The following FBXL7 variants were observed in gnomAD, a reference collection of about 807,000 sequenced individuals.
FBXL7 encodes the protein F-box/LRR-repeat protein 7.
FBXL7 carries 12 observed loss-of-function variants against 38.3 expected under a neutral mutation model. The ratio of observed to expected loss-of-function variants is 0.31; its 90% CI spans 0.20 to 0.51. The LOEUF (loss-of-function observed/expected upper bound fraction) is 0.51, where lower values mean the gene tolerates loss of function less well. FBXL7 is among the 20% of genes least tolerant of loss of function. The pLI is 0.98. For missense variants in FBXL7, 567 were observed against 676.4 expected (o/e 0.84, Z 1.79); for synonymous variants, 297 against 300.9 (o/e 0.99, Z 0.13).
At chr5:15,721,425 C>T (rs1478921813) in intron 2 of FBXL7, among the ~76,000 whole-genome samples, 1 of 152,102 alleles carries the variant, frequency 6.6e-6, no homozygotes, top group African/African-American at 2.4e-5. Context: ...TGCCAAAAAT[C>T]ATAGCAAACA....
chr5:15,557,321 C>T (rs574265295), intron 1 of FBXL7, among the ~76,000 whole-genome samples: 60 of 152,204 alleles, frequency 3.9e-4, no homozygotes, highest in African/African-American at 1.4e-3. Flanking sequence ...TGCTGCTAAG[C>T]CCTACAAAAA....
chr5:15,797,208 A>G (rs987009261), intron 2 of FBXL7, among the ~76,000 whole-genome samples: 2 of 152,218 alleles, frequency 1.3e-5, no homozygotes, highest in Non-Finnish European at 2.9e-5. Flanking sequence ...TGGGCACAGC[A>G]TACAAGACTA....
At chr5:15,799,142 T>C (rs548111611) in intron 2 of FBXL7, among the ~76,000 whole-genome samples, 1 of 152,154 alleles carries the variant, frequency 6.6e-6, no homozygotes, top group Non-Finnish European at 1.5e-5. Flanking sequence ...CTCAGTGTAA[T>C]TGAGGAAACA....
At chr5:15,510,866 A>G (rs1371549681) in intron 1 of FBXL7, among the ~76,000 whole-genome samples, 4 of 152,218 alleles carry the variant, frequency 2.6e-5, no homozygotes, top group Admixed American at 6.5e-5. Context: ...AAGACAGCCA[A>G]TGAGGCTGGC....
chr5:15,716,837 T>G (rs1744054150), intron 2 of FBXL7, among the ~76,000 whole-genome samples: 1 of 152,210 alleles, frequency 6.6e-6, no homozygotes, highest in South Asian at 2.1e-4. Context: ...AAGAAATATC[T>G]TAGTGGAATA....
intron 2 of FBXL7, among the ~76,000 whole-genome samples, chr5:15,655,406 A>T (rs756294174): frequency 6.6e-6 from 1 of 151,970 alleles, no homozygotes; most frequent in Non-Finnish European, 1.5e-5. Context: ...AGGCAGGAGA[A>T]TCGCTTGAAC....
At chr5:15,534,325 C>T (rs1292529888) in intron 1 of FBXL7, among the ~76,000 whole-genome samples, 1 of 151,752 alleles carries the variant, frequency 6.6e-6, no homozygotes, top group Non-Finnish European at 1.5e-5. Flanking sequence ...TGTGCTCTGC[C>T]TATTCTCTCC....
At chr5:15,912,583 A>G (rs1372263866) in intron 2 of FBXL7, among the ~76,000 whole-genome samples, 1 of 152,120 alleles carries the variant, frequency 6.6e-6, no homozygotes, top group Non-Finnish European at 1.5e-5. Context: ...CAAGTATTTC[A>G]GTTTGCTTGA....
intron 1 of FBXL7, among the ~76,000 whole-genome samples, chr5:15,603,940 C>T (rs1412702554): frequency 1.3e-5 from 2 of 152,154 alleles, no homozygotes; most frequent in Non-Finnish European, 2.9e-5. Context: ...AGTTCAAGAC[C>T]AGTCTGGCCA....
chr5:15,757,585 T>C (rs1226028633), intron 2 of FBXL7, among the ~76,000 whole-genome samples: 1 of 152,006 alleles, frequency 6.6e-6, no homozygotes, highest in Non-Finnish European at 1.5e-5. Flanking sequence ...CAAGTTGTTG[T>C]GATAGAGCTA....
At chr5:15,819,735 C>G (rs1438486675) in intron 2 of FBXL7, among the ~76,000 whole-genome samples, 1 of 152,170 alleles carries the variant, frequency 6.6e-6, no homozygotes, top group East Asian at 1.9e-4. Flanking sequence ...GTTAGGACAT[C>G]TAAGCAGCCC....
At chr5:15,841,094 G>C (rs1738735247) in intron 2 of FBXL7, among the ~76,000 whole-genome samples, 2 of 151,994 alleles carry the variant, frequency 1.3e-5, no homozygotes, top group South Asian at 4.1e-4. Context: ...TTTTTGTGTA[G>C]AGTAATGACA....
At chr5:15,509,666 A>G (rs1736740575) in intron 1 of FBXL7, among the ~76,000 whole-genome samples, 1 of 152,018 alleles carries the variant, frequency 6.6e-6, no homozygotes, top group South Asian at 2.1e-4. Context: ...GGCTCTTGGG[A>G]GAAGCTAAAT....
chr5:15,655,548 T>C (rs12658046), intron 2 of FBXL7, among the ~76,000 whole-genome samples: 47,227 of 151,750 alleles, frequency 0.31, 7,554 homozygotes, highest in East Asian at 0.45. Flanking sequence ...ACTAAATTAG[T>C]ACTTCCATAT....
intron 1 of FBXL7, among the ~76,000 whole-genome samples, chr5:15,528,693 T>C (rs1053675899): frequency 2.0e-5 from 3 of 152,168 alleles, no homozygotes; most frequent in Admixed American, 6.5e-5. Flanking sequence ...CACACGGTAA[T>C]TATGAGAGCT....
At chr5:15,611,873 T>C (rs889678339) in intron 1 of FBXL7, among the ~76,000 whole-genome samples, 15 of 151,390 alleles carry the variant, frequency 9.9e-5, no homozygotes, top group Admixed American at 2.6e-4. Context: ...TCCAGCTACT[T>C]GGGAAGCTGA....
chr5:15,712,148 A>C (rs894005565), intron 2 of FBXL7, among the ~76,000 whole-genome samples: 4 of 152,186 alleles, frequency 2.6e-5, no homozygotes, highest in African/African-American at 9.6e-5. Context: ...AAAAAGTTTC[A>C]ATGTTTTTAT....
intron 2 of FBXL7, among the ~76,000 whole-genome samples, chr5:15,923,533 TA>T (rs1448945507): frequency 6.6e-6 from 1 of 152,220 alleles, no homozygotes; most frequent in Non-Finnish European, 1.5e-5. Flanking sequence ...TGTATATTTT[TA>T]AATTTGGAAA....
intron 1 of FBXL7, among the ~76,000 whole-genome samples, chr5:15,588,865 T>C (rs1271239700): frequency 6.6e-6 from 1 of 152,238 alleles, no homozygotes; most frequent in Non-Finnish European, 1.5e-5. Context: ...ATCCTTACTT[T>C]GTTCAAACTG....
Sources: gnomAD v4.1 joint callset for allele counts (sites outside exome capture counted in the v4.1 genomes callset) on GRCh38, gnomAD v4.1.1 for gene constraint, MANE v1.5 for transcripts, NCBI Gene and HGNC (gene_info 2026-07-23, HGNC 2026-07-21) for gene names.